Variants in PCOLCE2 observed in about 807,000 individuals in gnomAD.
The protein encoded by PCOLCE2 is procollagen C-proteinase enhancer 2.
PCOLCE2 carries 42 observed loss-of-function variants against 47.0 expected under a neutral mutation model. The ratio of observed to expected loss-of-function variants is 0.89; its 90% CI spans 0.70 to 1.16. The LOEUF (loss-of-function observed/expected upper bound fraction) is 1.16, where lower values mean the gene tolerates loss of function less well. Ranked by LOEUF, PCOLCE2 falls within the 50% of genes most tolerant of loss-of-function variation. PCOLCE2 has a pLI of 0.00. For missense variants in PCOLCE2, 500 were observed against 526.1 expected (o/e 0.95, Z 0.49); for synonymous variants, 169 against 191.7 (o/e 0.88, Z 0.98).
intron 6 of PCOLCE2, among the ~76,000 whole-genome samples, chr3:142,826,805 T>G (rs2608069): frequency 0.074 from 11,278 of 152,188 alleles, 609 homozygotes; most frequent in East Asian, 0.17. Flanking sequence ...TCATCAACGC[T>G]TGACTCACTT....
At position 142,830,149 on chromosome 3, in the gene PCOLCE2, T is replaced by G. The variant is rs117709614; in HGVS notation, c.711-303A>C. ...TTCAAGTGATTTACTCAAGGCCCTATAGCTAGTATGTTGGGAGAGTCAGAA... is the reference window on the plus strand; with the variant it reads ...TTCAAGTGATTTACTCAAGGCCCTAGAGCTAGTATGTTGGGAGAGTCAGAA... On this transcript the variant is annotated intron_variant, in intron 5 of 8. Transcript: ENST00000295992. Among the ~76,000 whole-genome samples the G allele has an allele frequency of 2.0e-5, 3 of 152,316 alleles. No individual in the cohort carries two copies. In the East Asian group the frequency reaches 5.8e-4, roughly 29 times the overall value.
At position 142,879,785 on chromosome 3, in the gene PCOLCE2, C is replaced by T. The variant is rs551148580; in HGVS notation, c.192+7884G>A. On this transcript the variant is annotated intron_variant, in intron 2 of 8. Transcript: ENST00000295992. ...GAGATCGAGACCATCCTGGCTAACA[C>T]GGTGAAACCCCGCCTCTACTAAAAA... Among the ~76,000 whole-genome samples, 40 of 151,676 alleles carry T rather than the reference C, an allele frequency of 2.6e-4. No homozygotes were observed. The South Asian group carries it at 3.7e-3, about 14-fold the overall frequency.
At chr3:142,887,381 A>G in intron 2 of PCOLCE2, 1 of 261,066 alleles carries the variant, frequency 3.8e-6, no homozygotes, top group South Asian at 1.0e-4. Context: ...AGCTTTAATT[A>G]TGAATCTATA....
At chr3:142,888,053 T>C (rs944347505) in intron 1 of PCOLCE2, among the ~76,000 whole-genome samples, 1 of 152,166 alleles carries the variant, frequency 6.6e-6, no homozygotes. Flanking sequence ...CAAAGTCTTG[T>C]AGGAAAATGG....
intron 6 of PCOLCE2, among the ~76,000 whole-genome samples, chr3:142,829,162 C>G (rs1454803878): frequency 6.6e-6 from 1 of 152,130 alleles, no homozygotes; most frequent in Non-Finnish European, 1.5e-5. Context: ...CTCAGCCCCC[C>G]AGGCCAGTTT....
chr3:142,879,434 A>G (rs1933561482), intron 2 of PCOLCE2, among the ~76,000 whole-genome samples: 1 of 152,210 alleles, frequency 6.6e-6, no homozygotes, highest in South Asian at 2.1e-4. Context: ...GTGAAAGAGC[A>G]AAGAAAAAGA....
At chr3:142,866,957 C>T (rs1933295261) in intron 2 of PCOLCE2, among the ~76,000 whole-genome samples, 1 of 152,182 alleles carries the variant, frequency 6.6e-6, no homozygotes, top group Non-Finnish European at 1.5e-5. Context: ...GTGCAGGTAA[C>T]ATTGTGGCCA....
chr3:142,826,065 C>T (rs1937073223), intron 6 of PCOLCE2, among the ~76,000 whole-genome samples: 2 of 151,742 alleles, frequency 1.3e-5, no homozygotes, highest in Admixed American at 6.6e-5. Flanking sequence ...AGTGCAGTGG[C>T]GCGATGTCGG....
At chr3:142,881,338 C>A (rs868609234) in intron 2 of PCOLCE2, among the ~76,000 whole-genome samples, 3 of 152,066 alleles carry the variant, frequency 2.0e-5, no homozygotes, top group Non-Finnish European at 4.4e-5. Flanking sequence ...GTCTGTCACC[C>A]CAACCCCAGA....
chr3:142,848,809 T>C (rs967886339), intron 2 of PCOLCE2, among the ~76,000 whole-genome samples: 3 of 152,200 alleles, frequency 2.0e-5, no homozygotes, highest in African/African-American at 7.2e-5. Context: ...TTAGCATATA[T>C]TTGCATATTC....
chr3:142,821,092 C>A, intron 7 of PCOLCE2, 47 bp from the exon 8 acceptor site: 1 of 1,430,112 alleles, frequency 7.0e-7, no homozygotes, highest in Non-Finnish European at 9.8e-7. Flanking sequence ...AAGGCAAATG[C>A]AAGCAGAACT....
intron 5 of PCOLCE2, among the ~76,000 whole-genome samples, chr3:142,833,176 A>AT (rs144905725): frequency 1.8e-4 from 27 of 150,124 alleles, no homozygotes; most frequent in East Asian, 3.9e-4. Context: ...TACAGTGTGC[A>AT]TTTTTTTTTT....
intron 3 of PCOLCE2, among the ~76,000 whole-genome samples, chr3:142,847,678 A>G (rs923255944): frequency 6.6e-6 from 1 of 152,150 alleles, no homozygotes; most frequent in African/African-American, 2.4e-5. Context: ...CTGGGACAAC[A>G]GGTGTGTGCC....
intron 2 of PCOLCE2, among the ~76,000 whole-genome samples, chr3:142,875,416 C>T (rs1428787560): frequency 2.0e-5 from 3 of 152,110 alleles, no homozygotes; most frequent in East Asian, 1.9e-4. Context: ...AACAGTTTGG[C>T]GATTCCTCAA....
chr3:142,854,422 T>C (rs1037265719), intron 2 of PCOLCE2, among the ~76,000 whole-genome samples: 2 of 152,208 alleles, frequency 1.3e-5, no homozygotes, highest in Non-Finnish European at 2.9e-5. Context: ...ACAAATTATG[T>C]AAAAATATTT....
intron 2 of PCOLCE2, among the ~76,000 whole-genome samples, chr3:142,884,368 C>A (rs1933683561): frequency 6.6e-6 from 1 of 152,184 alleles, no homozygotes; most frequent in Non-Finnish European, 1.5e-5. Context: ...TCACTACTTT[C>A]CAAAGGATTA....
At chr3:142,832,816 T>C (rs915543289) in intron 5 of PCOLCE2, among the ~76,000 whole-genome samples, 1 of 152,228 alleles carries the variant, frequency 6.6e-6, no homozygotes, top group African/African-American at 2.4e-5. Flanking sequence ...CTATCCCCAG[T>C]GCTCCTCCTG....
rs554704388 is a variant in PCOLCE2, at chr3:142,850,686, C to G, written c.193-2214G>C. Among the ~76,000 whole-genome samples, 16 of 152,214 alleles carry G rather than the reference C, an allele frequency of 1.1e-4. No individual in the cohort carries two copies. In the South Asian group the frequency reaches 3.3e-3, roughly 32 times the overall value. ...AATGCTGACAAAGCTGTTCTGGTGG[C>G]ACCATGGGGAGAAAACTGGATAAAA... is the stretch of plus-strand genomic sequence containing the variant. On this transcript the variant is annotated intron_variant, in intron 2 of 8. Coordinates refer to ENST00000295992, the MANE Select transcript of PCOLCE2 (RefSeq NM_013363.4).
At chr3:142,834,097 C>A (rs1937179296) in intron 5 of PCOLCE2, among the ~76,000 whole-genome samples, 1 of 152,190 alleles carries the variant, frequency 6.6e-6, no homozygotes. Flanking sequence ...CGGGCCCAAT[C>A]TGCAGATACA....
Sources: allele counts gnomAD v4.1 joint callset (sites outside exome capture counted in the v4.1 genomes callset), GRCh38; gene constraint gnomAD v4.1.1; transcripts MANE v1.5; gene names NCBI Gene and HGNC (gene_info 2026-07-23, HGNC 2026-07-21).